The following SGCZ variants were observed in gnomAD, a reference collection of about 807,000 sequenced individuals.
The protein encoded by SGCZ is sarcoglycan zeta.
SGCZ carries 40 observed loss-of-function variants against 41.3 expected under a neutral mutation model. The ratio of observed to expected loss-of-function variants is 0.97; its 90% CI spans 0.75 to 1.26. The LOEUF is 1.26. Ranked by LOEUF, SGCZ falls within the 50% of genes most tolerant of loss-of-function variation. The pLI is 0.00. For synonymous variants in SGCZ, 206 were observed against 137.5 expected (o/e 1.50, Z -3.49); for missense variants, 552 against 369.8 (o/e 1.49, Z -4.04).
intron 2 of SGCZ, among the ~76,000 whole-genome samples, chr8:14,413,378 G>T (rs1432635283): frequency 2.6e-5 from 4 of 151,812 alleles, no homozygotes; most frequent in Non-Finnish European, 5.9e-5. Flanking sequence ...GTAGTTCTCT[G>T]CCCAATAAGT....
intron 1 of SGCZ, among the ~76,000 whole-genome samples, chr8:14,984,854 A>G (rs764645948): frequency 2.6e-5 from 4 of 152,142 alleles, no homozygotes; most frequent in Non-Finnish European, 5.9e-5. Flanking sequence ...GACGTTTTCA[A>G]TAGCAATTTT....
chr8:14,186,908 T>C (rs1804922719), intron 4 of SGCZ, among the ~76,000 whole-genome samples: 3 of 152,114 alleles, frequency 2.0e-5, no homozygotes, highest in South Asian at 4.1e-4. Context: ...ATTTCAAAAC[T>C]GAGCTGAGAA....
At chr8:14,337,421 T>C (rs1190062546) in intron 2 of SGCZ, among the ~76,000 whole-genome samples, 1 of 152,054 alleles carries the variant, frequency 6.6e-6, no homozygotes, top group East Asian at 1.9e-4. Context: ...GGGTGCTTGA[T>C]CAGGTGGTCA....
chr8:14,912,321 A>G (rs1193828979), intron 1 of SGCZ, among the ~76,000 whole-genome samples: 1 of 151,968 alleles, frequency 6.6e-6, no homozygotes. Context: ...CCTACCCAAA[A>G]TGACAGAGAT....
At chr8:14,108,448 G>T (rs1166102332) in intron 5 of SGCZ, among the ~76,000 whole-genome samples, 1 of 152,172 alleles carries the variant, frequency 6.6e-6, no homozygotes, top group African/African-American at 2.4e-5. Context: ...CATGGCTGGG[G>T]AGCCCTCAGA....
chr8:14,666,337 A>G (rs544741524), intron 1 of SGCZ, among the ~76,000 whole-genome samples: 2 of 152,310 alleles, frequency 1.3e-5, no homozygotes, highest in African/African-American at 2.4e-5. Context: ...GACTTGCAGG[A>G]TGGCAAAACT....
intron 2 of SGCZ, among the ~76,000 whole-genome samples, chr8:14,444,397 G>C (rs1402431623): frequency 6.6e-6 from 1 of 152,024 alleles, no homozygotes; most frequent in African/African-American, 2.4e-5. Context: ...CCATAGCAAA[G>C]ACTTGGAACC....
chr8:14,087,120 T>C lies in SGCZ; in HGVS notation c.*3323A>G, dbSNP rs1003171285. The stretch of plus-strand genomic sequence containing the variant: ...CAGTAAAATTTGAGGTGTATAATTG[T>C]CTTAAACTCTTAGATAAATAATTAT... On this transcript the variant is annotated 3_prime_UTR_variant, in exon 8 of 8. Transcript: ENST00000382080. 2.6e-5 allele frequency among the ~76,000 whole-genome samples: 4 copies of C among 151,660 alleles called. No individual in the cohort carries two copies. The highest frequency in any genetic ancestry group is 5.9e-5 in the Non-Finnish European group (4 of 67,744).
chr8:15,007,968 C>T (rs1038851961), intron 1 of SGCZ, among the ~76,000 whole-genome samples: 1 of 152,068 alleles, frequency 6.6e-6, no homozygotes, highest in Non-Finnish European at 1.5e-5. Flanking sequence ...CATTTCCATA[C>T]AAAATATTAA....
At chr8:14,976,837 G>C (rs896843639) in intron 1 of SGCZ, among the ~76,000 whole-genome samples, 2 of 152,206 alleles carry the variant, frequency 1.3e-5, no homozygotes, top group African/African-American at 4.8e-5. Flanking sequence ...AACCAAAAAA[G>C]TGTAGATAGG....
rs1481746627 is a variant in SGCZ, at chr8:14,675,298, C to G, written c.40-120372G>C. On this transcript the variant is annotated intron_variant, in intron 1 of 7. Transcript: ENST00000382080. ...GTATTTATTTTTAGCAATGCAAGAA[C>G]AGAACAATACAGTAGTCCATAAATA... 2.0e-5 allele frequency among the ~76,000 whole-genome samples: 3 copies of G among 151,648 alleles called. No homozygotes were observed. The East Asian group carries it at 5.8e-4, about 29-fold the overall frequency.
At chr8:14,971,454 T>C (rs1048178479) in intron 1 of SGCZ, among the ~76,000 whole-genome samples, 2 of 152,096 alleles carry the variant, frequency 1.3e-5, no homozygotes, top group Non-Finnish European at 2.9e-5. Flanking sequence ...TTTCTATTCC[T>C]ACTTTCCTGA....
intron 1 of SGCZ, among the ~76,000 whole-genome samples, chr8:15,132,459 C>T (rs1024970433): frequency 6.6e-6 from 1 of 152,146 alleles, no homozygotes; most frequent in African/African-American, 2.4e-5. Flanking sequence ...ATAGGCAAGG[C>T]ATGAATGAAT....
intron 1 of SGCZ, among the ~76,000 whole-genome samples, chr8:15,155,089 C>G (rs573769713): frequency 1.3e-5 from 2 of 151,916 alleles, no homozygotes; most frequent in Non-Finnish European, 2.9e-5. Flanking sequence ...CCCAGGAGTT[C>G]GAGACCAGCC....
At chr8:15,090,777 A>G (rs142139633) in intron 1 of SGCZ, among the ~76,000 whole-genome samples, 3 of 152,266 alleles carry the variant, frequency 2.0e-5, no homozygotes, top group African/African-American at 7.2e-5. Flanking sequence ...ATCTCTTATC[A>G]TTTTTGTTTT....
chr8:14,998,420 A>G (rs1802295657), intron 1 of SGCZ, among the ~76,000 whole-genome samples: 1 of 152,214 alleles, frequency 6.6e-6, no homozygotes, highest in Non-Finnish European at 1.5e-5. Context: ...CATTTGTTAC[A>G]TAAGGAGCGT....
intron 2 of SGCZ, among the ~76,000 whole-genome samples, chr8:14,508,824 A>G (rs373580209): frequency 8.0e-4 from 122 of 152,330 alleles, no homozygotes; most frequent in South Asian, 5.6e-3. Context: ...TAAGAATAAA[A>G]TGAAAATAGG....
At chr8:14,265,838 C>G (rs142077088) in intron 3 of SGCZ, among the ~76,000 whole-genome samples, 1 of 148,716 alleles carries the variant, frequency 6.7e-6, no homozygotes, top group Non-Finnish European at 1.5e-5. Flanking sequence ...ATAAGCCAAA[C>G]GAAAAATACA....
intron 4 of SGCZ, among the ~76,000 whole-genome samples, chr8:14,223,728 T>G (rs2117128856): frequency 6.6e-6 from 1 of 152,272 alleles, no homozygotes; most frequent in East Asian, 1.9e-4. Context: ...ATAAATCAAG[T>G]GATAACCCTT....
Sources: allele counts gnomAD v4.1 joint callset (sites outside exome capture counted in the v4.1 genomes callset), GRCh38; gene constraint gnomAD v4.1.1; transcripts MANE v1.5; gene names NCBI Gene and HGNC (gene_info 2026-07-23, HGNC 2026-07-21).